GNAS-AS1: variants seen among roughly 807,000 people sequenced by gnomAD.
The protein encoded by GNAS-AS1 is GNAS antisense RNA 1, also known as GNAS antisense RNA 1 (non-protein coding).
Position 58,841,573 on chromosome 20 carries a change from C to G in GNAS-AS1, n.819+364G>C. 1 of 1,004,510 alleles carries G rather than the reference C, an allele frequency of 1.0e-6. No homozygotes were observed. The highest frequency in any genetic ancestry group is 1.2e-6 in the Non-Finnish European group (1 of 843,104). 62.2% of individuals were successfully genotyped at this position (1,004,510 alleles called of 1,614,324 possible). A position where few individuals can be genotyped will look rare whatever the true frequency, so the allele number is the denominator to read the frequency against. On this transcript the variant is annotated intron_variant and non_coding_transcript_variant, in intron 4 of 4. Coordinates refer to ENST00000424094, the Ensembl canonical transcript of GNAS-AS1. This position sits in a 1 kb window ranked among gnomAD's most constrained non-coding sequence, Gnocchi z 5.0. The stretch of plus-strand genomic sequence containing the variant: ...GGCCGCCACAGCCCGCCTCCCGTCG[C>G]TCGCGGGACAGAGACCGCCTCAAAG...
chr20:58,826,288 G>A, intron 4 of GNAS-AS1, among the ~76,000 whole-genome samples: 1 of 152,184 alleles, frequency 6.6e-6, no homozygotes, highest in East Asian at 1.9e-4. Context: ...CACTGCTGCT[G>A]TCATGACGGG....
At chr20:58,842,217 CTGGGGGGAAAGACTGATAAG>C (rs2085764123) in intron 3 of GNAS-AS1, 2 of 398,554 alleles carry the variant, frequency 5.0e-6, no homozygotes, top group Admixed American at 4.4e-5. Flanking sequence ...CTCGCCAGTC[CTGGGGGGAAAGACTGATAAG>C]TGAAATGTCT....
chr20:58,836,996 C>CTA (rs111438310), intron 4 of GNAS-AS1, among the ~76,000 whole-genome samples: 165 of 152,056 alleles, frequency 1.1e-3, no homozygotes, highest in African/African-American at 3.8e-3. Context: ...CTCGGTGTAT[C>CTA]TATATTAGTG....
In GNAS-AS1 at chr20:58,844,703, T is replaced by G. The variant is rs192688610; in HGVS notation, n.414-2158A>C. Among the ~76,000 whole-genome samples, 224 of 151,674 alleles carry G rather than the reference T, an allele frequency of 1.5e-3. 1 individual carries two copies. The highest frequency in any genetic ancestry group is 5.2e-3 in the African/African-American group (216 of 41,300). On this transcript the variant is annotated intron_variant and non_coding_transcript_variant, in intron 2 of 4. Transcript: ENST00000424094. ...ACTAGTGATTTAACCCTAATGGAAC[T>G]CCCAAAAAACATCGAAAGTTGCTCA...
In GNAS-AS1 at chr20:58,848,738, C is replaced by T. The variant is rs148259982; in HGVS notation, n.413+141G>A. On this transcript the variant is annotated intron_variant and non_coding_transcript_variant, in intron 2 of 4. Coordinates refer to ENST00000424094, the Ensembl canonical transcript of GNAS-AS1. The stretch of plus-strand genomic sequence containing the variant: ...CCCCAGTAAACCCACTAGCCGATCA[C>T]CCCCAGCTCTTACTATACCGGATTC... 1,880 of 393,882 alleles carry T rather than the reference C, an allele frequency of 4.8e-3. 23 individuals carry two copies. The highest frequency in any genetic ancestry group is 0.034 in the African/African-American group (1,651 of 48,614). 24.4% of individuals were successfully genotyped at this position (393,882 alleles called of 1,614,324 possible).
Position 58,841,185 on chromosome 20 carries a change from C to T in GNAS-AS1, n.819+752G>A, listed in dbSNP as rs1300614897. Among the ~76,000 whole-genome samples the T allele has an allele frequency of 6.6e-6, 1 of 152,164 alleles. No homozygotes were observed. Among genetic ancestry groups the T allele is most frequent in the African/African-American group, 2.4e-5 (1 of 41,442 alleles). Reference sequence around the variant, plus strand: ...CGGCTACGCGACTGAATCCCGAACGCACCCCAGATTTGGAGCTGCACACCC... The same window carrying T: ...CGGCTACGCGACTGAATCCCGAACGTACCCCAGATTTGGAGCTGCACACCC... On this transcript the variant is annotated intron_variant and non_coding_transcript_variant, in intron 4 of 4. Transcript: ENST00000424094. This position sits in a 1 kb window ranked among gnomAD's most constrained non-coding sequence, Gnocchi z 5.0.
chr20:58,841,391 A>G lies in GNAS-AS1; in HGVS notation n.819+546T>C, dbSNP rs776332854. The G allele has an allele frequency of 1.7e-4, 170 of 1,012,414 alleles. No individual in the cohort carries two copies. The highest frequency in any genetic ancestry group is 2.0e-4 in the Non-Finnish European group (165 of 845,936). 62.7% of individuals were successfully genotyped at this position (1,012,414 alleles called of 1,614,324 possible). On this transcript the variant is annotated intron_variant and non_coding_transcript_variant, in intron 4 of 4. Coordinates refer to ENST00000424094, the Ensembl canonical transcript of GNAS-AS1. This position sits in a 1 kb window ranked among gnomAD's most constrained non-coding sequence, Gnocchi z 5.0. Reference sequence around the variant, plus strand: ...TTGAAATGTGCGGAAAGTAATCTGAATGGGAATGGGCGAGAACTCTAGAGA... The same window carrying G: ...TTGAAATGTGCGGAAAGTAATCTGAGTGGGAATGGGCGAGAACTCTAGAGA...
chr20:58,830,174 TATCATAACCACCACCACCACATCACC>T (rs2085545160), intron 4 of GNAS-AS1, among the ~76,000 whole-genome samples: 1 of 134,764 alleles, frequency 7.4e-6, no homozygotes, highest in South Asian at 2.5e-4. Context: ...GCTATACCAC[TATCATAACCACCACCACCACATCACC>T]ATCATCACCA....
chr20:58,835,745 G>C (rs2085598403), intron 4 of GNAS-AS1, among the ~76,000 whole-genome samples: 1 of 152,198 alleles, frequency 6.6e-6, no homozygotes, highest in African/African-American at 2.4e-5. Flanking sequence ...ACAGTGCCCG[G>C]AATAGTGTCT....
chr20:58,833,882 G>A (rs2085584226), intron 4 of GNAS-AS1: 8 of 152,214 alleles, frequency 5.3e-5, no homozygotes, highest in Admixed American at 5.2e-4. Context: ...TATCAGGATG[G>A]ACTGATTACA....
In GNAS-AS1 at chr20:58,841,777, G is replaced by T; in HGVS notation, n.819+160C>A. ...GGGGTATTGCCAAGCTTTTGGCGCA[G>T]CTGGTCGGGTGGCCAGGCTGCATGC... On this transcript the variant is annotated intron_variant and non_coding_transcript_variant, in intron 4 of 4. Coordinates refer to ENST00000424094, the Ensembl canonical transcript of GNAS-AS1. The surrounding 1 kb of genome is among the most constrained non-coding windows in gnomAD (Gnocchi z 5.0). The T allele has an allele frequency of 8.1e-7, 1 of 1,230,340 alleles. No homozygotes were observed. The highest frequency in any genetic ancestry group is 1.0e-6 in the Non-Finnish European group (1 of 987,588). 76.2% of individuals were successfully genotyped at this position (1,230,340 alleles called of 1,614,324 possible). A position where few individuals can be genotyped will look rare whatever the true frequency, so the allele number is the denominator to read the frequency against.
chr20:58,830,463 A>ACCG (rs2085554934), intron 4 of GNAS-AS1, among the ~76,000 whole-genome samples: 1 of 104,692 alleles, frequency 9.6e-6, no homozygotes, highest in Non-Finnish European at 2.0e-5. Context: ...CATCACCACC[A>ACCG]CCACACCACC....
At chr20:58,849,601 C>G in intron 1 of GNAS-AS1, among the ~76,000 whole-genome samples, 1 of 152,236 alleles carries the variant, frequency 6.6e-6, no homozygotes, top group Non-Finnish European at 1.5e-5. Flanking sequence ...CAAATCAGCA[C>G]TGCCACCTTG....
chr20:58,820,089 G>A (rs1478164339), intron 4 of GNAS-AS1, among the ~76,000 whole-genome samples: 1 of 152,246 alleles, frequency 6.6e-6, no homozygotes, highest in Non-Finnish European at 1.5e-5. Flanking sequence ...GAGTTCAGAC[G>A]CCCGCTCCAG....
chr20:58,824,489 A>AG (rs1356823069), intron 4 of GNAS-AS1, among the ~76,000 whole-genome samples: 1 of 152,228 alleles, frequency 6.6e-6, no homozygotes, highest in Non-Finnish European at 1.5e-5. Flanking sequence ...CTTTTGCCAT[A>AG]GCACAGCAGG....
At chr20:58,819,175 G>A in exon 5 of GNAS-AS1, 1 of 398,650 alleles carries the variant, frequency 2.5e-6, no homozygotes, top group Middle Eastern at 6.3e-4. Context: ...TTCAAACCAG[G>A]AACGTGGCAC....
At chr20:58,825,922 G>A (rs916324755) in intron 4 of GNAS-AS1, 4 of 395,094 alleles carry the variant, frequency 1.0e-5, no homozygotes, top group Non-Finnish European at 1.8e-5. Context: ...ACAAAGCCAC[G>A]ACAACTGGTG....
At chr20:58,831,395 C>T (rs2085567828) in intron 4 of GNAS-AS1, among the ~76,000 whole-genome samples, 1 of 152,106 alleles carries the variant, frequency 6.6e-6, no homozygotes, top group South Asian at 2.1e-4. Flanking sequence ...AAAACAACAT[C>T]AGCGGGCGCA....
At chr20:58,842,293 T>C (rs1302373392) in intron 3 of GNAS-AS1, 1 of 397,738 alleles carries the variant, frequency 2.5e-6, no homozygotes, top group Non-Finnish European at 4.4e-6. Context: ...TTTTTCCTGG[T>C]GTGCGTGTCT....
Sources: gnomAD v4.1 joint callset for allele counts (sites outside exome capture counted in the v4.1 genomes callset) on GRCh38, gnomAD v4.1.1 for gene constraint, Gnocchi (gnomAD v3.1) non-coding constraint, MANE v1.5 for transcripts, NCBI Gene and HGNC (gene_info 2026-07-23, HGNC 2026-07-21) for gene names.